Variants in RGS6 observed in about 807,000 individuals in gnomAD.
RGS6 encodes regulator of G-protein signaling 6.
Under a neutral mutation model 78.5 loss-of-function variants are expected in RGS6, and 30 were observed. That is an observed-to-expected ratio of 0.38 (90% CI 0.29 to 0.52). RGS6 has a LOEUF of 0.52. RGS6 is among the 20% of genes least tolerant of loss of function. The pLI is 0.85. For synonymous variants in RGS6, 206 were observed against 206.0 expected (o/e 1.00, Z 0.00); for missense variants, 495 against 609.7 (o/e 0.81, Z 1.98).
intron 3 of RGS6, among the ~76,000 whole-genome samples, chr14:72,397,915 T>G (rs2091715000): frequency 6.6e-6 from 1 of 152,200 alleles, no homozygotes; most frequent in Admixed American, 6.5e-5. Flanking sequence ...TTGATTATGG[T>G]GGATAAGCTT....
At chr14:72,424,601 C>T (rs1430768251) in intron 3 of RGS6, among the ~76,000 whole-genome samples, 1 of 152,146 alleles carries the variant, frequency 6.6e-6, no homozygotes, top group Non-Finnish European at 1.5e-5. Flanking sequence ...GTATTAACTT[C>T]CTAATGAAAT....
chr14:72,003,653 C>A (rs1297399241), intron 2 of RGS6, among the ~76,000 whole-genome samples: 3 of 152,116 alleles, frequency 2.0e-5, no homozygotes, highest in African/African-American at 7.2e-5. Flanking sequence ...CTCCAGAAAG[C>A]AGCCTCTTAT....
chr14:72,021,721 C>T (rs750607576), intron 2 of RGS6, among the ~76,000 whole-genome samples: 10 of 152,026 alleles, frequency 6.6e-5, no homozygotes, highest in Admixed American at 1.3e-4. Flanking sequence ...AGCCACCCTC[C>T]TCGGCCTCCC....
chr14:72,130,052 G>T (rs550557710), intron 2 of RGS6, among the ~76,000 whole-genome samples: 1 of 152,258 alleles, frequency 6.6e-6, no homozygotes, highest in South Asian at 2.1e-4. Context: ...ACTTCTTCCT[G>T]GCTGACTACA....
the RGS6 span, among the ~76,000 whole-genome samples, chr14:71,896,302 G>A: frequency 5.3e-3 from 807 of 152,208 alleles, 17 homozygotes; most frequent in East Asian, 0.084. Context: ...CCATTTTTAT[G>A]GTTATTTCTT....
chr14:71,904,820 G>T, the RGS6 span, among the ~76,000 whole-genome samples: 1 of 151,274 alleles, frequency 6.6e-6, no homozygotes, highest in Non-Finnish European at 1.5e-5. Flanking sequence ...TACTTTTCCT[G>T]ATATTTGGCT....
intron 2 of RGS6, among the ~76,000 whole-genome samples, chr14:72,299,277 C>T (rs1215471878): frequency 6.6e-6 from 1 of 152,184 alleles, no homozygotes; most frequent in Non-Finnish European, 1.5e-5. Flanking sequence ...CCTTCCCACC[C>T]TATTTACCCA....
chr14:72,003,874 C>G (rs2083986680), intron 2 of RGS6, among the ~76,000 whole-genome samples: 2 of 152,144 alleles, frequency 1.3e-5, no homozygotes, highest in Non-Finnish European at 2.9e-5. Context: ...TAGGGTTCAG[C>G]TCCCAGGACG....
chr14:72,608,548 A>C, the RGS6 span, among the ~76,000 whole-genome samples: 1 of 150,702 alleles, frequency 6.6e-6, no homozygotes, highest in African/African-American at 2.4e-5. Flanking sequence ...ATATTCCCCC[A>C]CCTCTCCTGT....
At chr14:72,304,061 C>A (rs982953506) in intron 2 of RGS6, among the ~76,000 whole-genome samples, 3 of 152,234 alleles carry the variant, frequency 2.0e-5, no homozygotes, top group African/African-American at 7.2e-5. Context: ...CAGCCCATGA[C>A]ATTAGTCACA....
chr14:71,881,490 G>A, the RGS6 span, among the ~76,000 whole-genome samples: 7 of 152,146 alleles, frequency 4.6e-5, no homozygotes, highest in African/African-American at 1.7e-4. Flanking sequence ...TTGAATCATG[G>A]GGGCAGTTTC....
chr14:72,317,136 T>C (rs2070508153), intron 2 of RGS6, among the ~76,000 whole-genome samples: 1 of 152,116 alleles, frequency 6.6e-6, no homozygotes, highest in Admixed American at 6.5e-5. Context: ...CTTGCACACA[T>C]TTCCTCATAT....
chr14:72,159,638 T>G (rs980045460), intron 2 of RGS6, among the ~76,000 whole-genome samples: 1 of 152,202 alleles, frequency 6.6e-6, no homozygotes, highest in African/African-American at 2.4e-5. Flanking sequence ...CACTGCCAAG[T>G]GATCTCCATG....
chr14:72,447,738 T>C (rs909547845), intron 3 of RGS6, among the ~76,000 whole-genome samples: 4 of 152,224 alleles, frequency 2.6e-5, no homozygotes, highest in African/African-American at 9.6e-5. Context: ...GTTTCGCTCT[T>C]GTTTCCCAGG....
chr14:72,222,026 C>G (rs573045021), intron 2 of RGS6, among the ~76,000 whole-genome samples: 2 of 152,350 alleles, frequency 1.3e-5, no homozygotes, highest in South Asian at 4.1e-4. Context: ...TTCATGGTCA[C>G]TGAACAATCT....
chr14:72,263,136 G>A (rs186253160), intron 2 of RGS6, among the ~76,000 whole-genome samples: 1 of 152,160 alleles, frequency 6.6e-6, no homozygotes, highest in Non-Finnish European at 1.5e-5. Context: ...ATTCCAGGCA[G>A]ATCAAACTGT....
chr14:72,012,255 A>G (rs1425134925), intron 2 of RGS6, among the ~76,000 whole-genome samples: 1 of 152,196 alleles, frequency 6.6e-6, no homozygotes, highest in African/African-American at 2.4e-5. Context: ...TGGTATGACC[A>G]CTCAGAGGTA....
At chr14:71,927,663 C>CT (rs550261245), upstream of RGS6, among the ~76,000 whole-genome samples, 12,898 of 143,630 alleles carry the variant, frequency 0.09, 612 homozygotes, top group African/African-American at 0.11. Flanking sequence ...CTTTTTTTTT[C>CT]TTTTTTTTTT....
chr14:72,325,599 A>G (rs777068034), intron 2 of RGS6, among the ~76,000 whole-genome samples: 19 of 152,204 alleles, frequency 1.2e-4, no homozygotes, highest in Admixed American at 2.6e-4. Context: ...AGCACCATCT[A>G]TTAAATAGAG....
Sources: allele counts gnomAD v4.1 joint callset (sites outside exome capture counted in the v4.1 genomes callset), GRCh38; gene constraint gnomAD v4.1.1; transcripts MANE v1.5; gene names NCBI Gene and HGNC (gene_info 2026-07-23, HGNC 2026-07-21).